Variants in RABGAP1L observed in about 807,000 individuals in gnomAD.
RABGAP1L encodes the protein rab GTPase-activating protein 1-like.
RABGAP1L carries 63 observed loss-of-function variants against 137.7 expected under a neutral mutation model. That is an observed-to-expected ratio of 0.46 (90% CI 0.37 to 0.56). The LOEUF (loss-of-function observed/expected upper bound fraction) is 0.56, where lower values mean the gene tolerates loss of function less well. RABGAP1L is among the 20% of genes least tolerant of loss of function. The probability of loss-of-function intolerance (pLI) is 0.00; values close to 1 mark genes in which losing one functional copy is unlikely to be tolerated. For missense variants in RABGAP1L, 1,095 were observed against 1,244.0 expected (o/e 0.88, Z 1.80); for synonymous variants, 431 against 433.7 (o/e 0.99, Z 0.08).
At chr1:174,757,141 G>C (rs1402405789) in intron 18 of RABGAP1L, 1 of 416,376 alleles carries the variant, frequency 2.4e-6, no homozygotes, top group Non-Finnish European at 4.9e-6. Flanking sequence ...TTAATTGTCA[G>C]CTTCAGTTCC....
chr1:174,586,859 G>A (rs1388946871), intron 13 of RABGAP1L, among the ~76,000 whole-genome samples: 1 of 152,186 alleles, frequency 6.6e-6, no homozygotes, highest in African/African-American at 2.4e-5. Flanking sequence ...GCCCCCCAAA[G>A]TGCTGGGATT....
chr1:174,543,546 C>G (rs1357860762), intron 13 of RABGAP1L, among the ~76,000 whole-genome samples: 2 of 152,134 alleles, frequency 1.3e-5, no homozygotes, highest in African/African-American at 4.8e-5. Flanking sequence ...GACTCTTTAT[C>G]CAATTTAACA....
chr1:174,548,367 A>G (rs956028253), intron 13 of RABGAP1L: 1 of 1,050,194 alleles, frequency 9.5e-7, no homozygotes, highest in Non-Finnish European at 1.2e-6. Context: ...TTACTTTAAA[A>G]GTCCTGTCTA....
chr1:174,400,334 T>G (rs187010364), intron 13 of RABGAP1L, among the ~76,000 whole-genome samples: 1 of 152,278 alleles, frequency 6.6e-6, no homozygotes, highest in Admixed American at 6.5e-5. Context: ...GCTATCACAG[T>G]GTGCTTGCAA....
chr1:174,870,190 A>G (rs1355992887), intron 19 of RABGAP1L, among the ~76,000 whole-genome samples: 1 of 152,222 alleles, frequency 6.6e-6, no homozygotes, highest in Non-Finnish European at 1.5e-5. Context: ...ACCATAGGCT[A>G]ATTTAAATCT....
chr1:174,833,716 A>G (rs1332993530), intron 19 of RABGAP1L, among the ~76,000 whole-genome samples: 2 of 151,992 alleles, frequency 1.3e-5, no homozygotes, highest in Middle Eastern at 6.8e-3. Context: ...AGTTATGATC[A>G]TAACAGAAAA....
chr1:174,978,257 G>A (rs543524995), intron 22 of RABGAP1L, among the ~76,000 whole-genome samples: 7 of 152,034 alleles, frequency 4.6e-5, no homozygotes, highest in Non-Finnish European at 8.8e-5. Context: ...TGTCACTTTA[G>A]CTCCTTCTAA....
rs137982327 is a variant in RABGAP1L at position 174,472,380 on chromosome 1, C to T, written c.1710+78235C>T. Among the ~76,000 whole-genome samples, 460 of 152,294 alleles carry T rather than the reference C, an allele frequency of 3.0e-3. 1 individual carries two copies. The highest frequency in any genetic ancestry group is 4.9e-3 in the Non-Finnish European group (331 of 68,022). The stretch of plus-strand genomic sequence containing the variant: ...AGGATGATGTATATTATCTGTATTT[C>T]CCAAAGTGGGGAAAATTTTTTAAGT... On this transcript the variant is annotated intron_variant, in intron 13 of 25. Coordinates refer to ENST00000681986, the MANE Select transcript of RABGAP1L (RefSeq NM_001366446.1).
intron 17 of RABGAP1L, among the ~76,000 whole-genome samples, chr1:174,750,904 G>T (rs909768934): frequency 1.3e-5 from 2 of 152,138 alleles, no homozygotes; most frequent in African/African-American, 2.4e-5. Context: ...TTAAGTTTTG[G>T]CAGGTGGGCA....
chr1:174,374,209 G>T (rs1300208713), intron 12 of RABGAP1L, among the ~76,000 whole-genome samples: 1 of 152,144 alleles, frequency 6.6e-6, no homozygotes, highest in Non-Finnish European at 1.5e-5. Context: ...CAAGTTATTT[G>T]CTGGGGGAAG....
chr1:174,305,454 G>A (rs963486824), intron 11 of RABGAP1L, among the ~76,000 whole-genome samples: 6 of 151,902 alleles, frequency 3.9e-5, no homozygotes, highest in Non-Finnish European at 7.4e-5. Context: ...GGAAAATCTC[G>A]GCTCCCTGCA....
chr1:174,438,210 C>A (rs949373344), intron 13 of RABGAP1L, among the ~76,000 whole-genome samples: 3 of 152,150 alleles, frequency 2.0e-5, no homozygotes, highest in African/African-American at 7.2e-5. Flanking sequence ...GTCTTGAAAT[C>A]AGGTTGTGCC....
chr1:174,859,482 C>CAAAA (rs35464065), intron 19 of RABGAP1L, among the ~76,000 whole-genome samples: 4 of 133,650 alleles, frequency 3.0e-5, no homozygotes, highest in Non-Finnish European at 3.2e-5. Flanking sequence ...GACTCCATCT[C>CAAAA]AAAAAAAAAG....
chr1:174,180,228 C>T (rs1666236692), intron 1 of RABGAP1L, among the ~76,000 whole-genome samples: 1 of 152,148 alleles, frequency 6.6e-6, no homozygotes, highest in African/African-American at 2.4e-5. Flanking sequence ...ACTAGTAGTT[C>T]TAGAGCCAGA....
intron 19 of RABGAP1L, among the ~76,000 whole-genome samples, chr1:174,848,892 T>C (rs1369132604): frequency 1.3e-5 from 2 of 150,912 alleles, no homozygotes; most frequent in African/African-American, 4.9e-5. Context: ...TCCGTGGGCG[T>C]AGGACCCTCC....
intron 11 of RABGAP1L, among the ~76,000 whole-genome samples, chr1:174,332,898 C>T (rs1571262392): frequency 6.6e-6 from 1 of 152,064 alleles, no homozygotes; most frequent in Admixed American, 6.6e-5. Context: ...TTATAATAGC[C>T]AAGATATGGA....
chr1:174,614,398 T>G (rs571697256), intron 13 of RABGAP1L, among the ~76,000 whole-genome samples: 6 of 152,306 alleles, frequency 3.9e-5, no homozygotes, highest in African/African-American at 1.4e-4. Flanking sequence ...CACTCTCTTC[T>G]GGCTTCCCCC....
chr1:174,929,697 C>G (rs1663419297), intron 19 of RABGAP1L, among the ~76,000 whole-genome samples: 1 of 150,892 alleles, frequency 6.6e-6, no homozygotes, highest in Non-Finnish European at 1.5e-5. Context: ...GAGCTATGAT[C>G]ATATCACTGC....
At chr1:174,854,469 A>G (rs1339460005) in intron 19 of RABGAP1L, among the ~76,000 whole-genome samples, 1 of 152,100 alleles carries the variant, frequency 6.6e-6, no homozygotes, top group Non-Finnish European at 1.5e-5. Flanking sequence ...TAGAAACCAT[A>G]TAAATTACTG....
Sources: allele counts gnomAD v4.1 joint callset (sites outside exome capture counted in the v4.1 genomes callset), GRCh38; gene constraint gnomAD v4.1.1; transcripts MANE v1.5; gene names NCBI Gene and HGNC (gene_info 2026-07-23, HGNC 2026-07-21).